The following ABCD3 variants were observed in gnomAD, a reference collection of about 807,000 sequenced individuals.
The protein encoded by ABCD3 is ATP-binding cassette sub-family D member 3.
Under a neutral mutation model 105.5 loss-of-function variants are expected in ABCD3, and 41 were observed. That is an observed-to-expected ratio of 0.39 (90% CI 0.30 to 0.50). The LOEUF (loss-of-function observed/expected upper bound fraction) is 0.50, where lower values mean the gene tolerates loss of function less well. Among genes scored for constraint, ABCD3 ranks in the 20% least tolerant of loss-of-function variants. ABCD3 has a pLI of 0.84. For synonymous variants in ABCD3, 258 were observed against 269.0 expected (o/e 0.96, Z 0.40); for missense variants, 622 against 806.3 (o/e 0.77, Z 2.77).
the ABCD3 span, among the ~76,000 whole-genome samples, chr1:94,399,793 T>A: frequency 6.6e-6 from 1 of 152,170 alleles, no homozygotes; most frequent in African/African-American, 2.4e-5. Context: ...GGGAAAGGCA[T>A]TTGTGTATTT....
chr1:94,407,606 G>T, the ABCD3 span, among the ~76,000 whole-genome samples: 1 of 152,182 alleles, frequency 6.6e-6, no homozygotes, highest in Admixed American at 6.5e-5. Flanking sequence ...AACTGGTTGT[G>T]ATTTGTGTAT....
intron 4 of ABCD3, among the ~76,000 whole-genome samples, chr1:94,468,816 G>A (rs1648292090): frequency 6.6e-6 from 1 of 152,058 alleles, no homozygotes; most frequent in Non-Finnish European, 1.5e-5. Flanking sequence ...TTAAAGATTT[G>A]TAGGAAGAGG....
intron 1 of ABCD3, among the ~76,000 whole-genome samples, chr1:94,455,519 T>C (rs931630598): frequency 6.6e-6 from 1 of 152,094 alleles, no homozygotes; most frequent in African/African-American, 2.4e-5. Context: ...GAGACGGGGT[T>C]TCTCCATGTC....
chr1:94,445,430 G>A (rs112841046), intron 1 of ABCD3, among the ~76,000 whole-genome samples: 6,609 of 152,212 alleles, frequency 0.043, 546 homozygotes, highest in African/African-American at 0.15. Context: ...AGGGGAGCTC[G>A]GAAGCATCAG....
chr1:94,406,440 T>C, the ABCD3 span: 4 of 380,606 alleles, frequency 1.1e-5, no homozygotes, highest in Non-Finnish European at 2.1e-5. Context: ...CTCAGGTTCC[T>C]TTCCAGTTTT....
In ABCD3 at chr1:94,493,470, T is replaced by C. The variant is rs866513; in HGVS notation, c.1386+2223T>C. Among the ~76,000 whole-genome samples the C allele has an allele frequency of 4.4e-4, 67 of 151,482 alleles. No individual in the cohort carries two copies. The East Asian group carries it at 7.2e-3, about 16-fold the overall frequency. On this transcript the variant is annotated intron_variant, in intron 16 of 22. Transcript: ENST00000370214. Reference sequence around the variant, plus strand: ...AGGTGCTGGAGAGGATGTGGAGAAATAGGAACACTTTTACACTGTTGGTGG... The same window carrying C: ...AGGTGCTGGAGAGGATGTGGAGAAACAGGAACACTTTTACACTGTTGGTGG...
chr1:94,511,663 C>T (rs543708873), intron 21 of ABCD3, among the ~76,000 whole-genome samples: 60 of 152,180 alleles, frequency 3.9e-4, no homozygotes, highest in African/African-American at 1.3e-3. Context: ...TCACATAGTC[C>T]CATATTTCTT....
chr1:94,447,153 G>A (rs1204476532), intron 1 of ABCD3, among the ~76,000 whole-genome samples: 1 of 152,188 alleles, frequency 6.6e-6, no homozygotes, highest in African/African-American at 2.4e-5. Context: ...AGCCAATTTG[G>A]ATAGAACAAT....
intron 1 of ABCD3, among the ~76,000 whole-genome samples, chr1:94,453,254 C>T (rs1313066926): frequency 6.6e-6 from 1 of 151,838 alleles, no homozygotes; most frequent in East Asian, 1.9e-4. Flanking sequence ...AGCTCTCAGA[C>T]AACTTTATAA....
chr1:94,494,945 G>GTCC (rs1649724973), intron 16 of ABCD3, among the ~76,000 whole-genome samples: 1 of 152,142 alleles, frequency 6.6e-6, no homozygotes, highest in Admixed American at 6.5e-5. Flanking sequence ...GCTAGGTGTG[G>GTCC]TGGTGCACAC....
intron 1 of ABCD3, chr1:94,419,378 T>C (rs1253047965): frequency 1.0e-6 from 1 of 983,608 alleles, no homozygotes; most frequent in Non-Finnish European, 1.2e-6. Flanking sequence ...GCGGGAGAAT[T>C]TCAGTGCTTA....
intron 4 of ABCD3, among the ~76,000 whole-genome samples, chr1:94,469,647 T>C (rs1648348892): frequency 6.7e-6 from 1 of 149,690 alleles, no homozygotes; most frequent in South Asian, 2.1e-4. Context: ...CGTTTTGTAG[T>C]TTCCAGTGTT....
rs878995734 is a variant in ABCD3, at chr1:94,475,519, T to C, written c.504-95T>C. The C allele has an allele frequency of 6.8e-6, 9 of 1,324,450 alleles. No homozygotes were observed. In the South Asian group the frequency reaches 1.1e-4, roughly 17 times the overall value. The allele number at this position is 1,324,450 out of a possible 1,614,324, so 82.0% of individuals were successfully genotyped here. On this transcript the variant is annotated intron_variant, in intron 6 of 22. Coordinates refer to ENST00000370214, the MANE Select transcript of ABCD3 (RefSeq NM_002858.4). ...CTGGCTCCAAACTTTTTTGTTTCTATGTATTTGAGCTAGGTGGTGTAATAT... is the reference window on the plus strand; with the variant it reads ...CTGGCTCCAAACTTTTTTGTTTCTACGTATTTGAGCTAGGTGGTGTAATAT...
At chr1:94,404,761 A>G in the ABCD3 span, among the ~76,000 whole-genome samples, 5 of 151,894 alleles carry the variant, frequency 3.3e-5, no homozygotes, top group African/African-American at 1.2e-4. Context: ...CTTCTTTCAT[A>G]TGTTAAAGTT....
At chr1:94,474,626 C>G (rs1463068902) in intron 5 of ABCD3, among the ~76,000 whole-genome samples, 3 of 151,462 alleles carry the variant, frequency 2.0e-5, no homozygotes, top group African/African-American at 7.3e-5. Context: ...CAGCAAAGAC[C>G]ACTTGAGAAA....
At chr1:94,503,863 A>G (rs565772366) in intron 20 of ABCD3, among the ~76,000 whole-genome samples, 3 of 147,712 alleles carry the variant, frequency 2.0e-5, no homozygotes, top group South Asian at 2.1e-4. Context: ...CAGTGGCACA[A>G]TCTTGGCTCA....
chr1:94,392,265 G>A, the ABCD3 span, among the ~76,000 whole-genome samples: 1 of 152,204 alleles, frequency 6.6e-6, no homozygotes, highest in Non-Finnish European at 1.5e-5. Flanking sequence ...GCCTTTAAAA[G>A]CCAATGCACA....
At chr1:94,455,920 T>G (rs1647532854) in intron 1 of ABCD3, 2 of 988,042 alleles carry the variant, frequency 2.0e-6, no homozygotes, top group Admixed American at 8.6e-5. Context: ...CAGTGTGGCA[T>G]TTTTATTGAA....
the ABCD3 span, among the ~76,000 whole-genome samples, chr1:94,396,590 A>AGTGT: frequency 0.017 from 2,573 of 151,342 alleles, 102 homozygotes; most frequent in African/African-American, 0.058. Flanking sequence ...TGTGAATAGA[A>AGTGT]GTGTGTGTGT....
Sources: gnomAD v4.1 joint callset for allele counts (sites outside exome capture counted in the v4.1 genomes callset) on GRCh38, gnomAD v4.1.1 for gene constraint, MANE v1.5 for transcripts, NCBI Gene and HGNC (gene_info 2026-07-23, HGNC 2026-07-21) for gene names.